APBB2: variants seen among roughly 807,000 people sequenced by gnomAD.
APBB2 encodes amyloid beta precursor protein binding family B member 2.
In APBB2, 38 loss-of-function variants were observed where a neutral mutation model predicts 82.5. The observed-to-expected ratio is 0.46, with a 90% CI of 0.36 to 0.60. APBB2 has a LOEUF of 0.60. APBB2 is among the 20% of genes least tolerant of loss of function. The pLI is 0.00. For missense variants in APBB2, 772 were observed against 972.3 expected, an observed-to-expected ratio of 0.79 and a Z score of 2.74; for synonymous variants, 341 against 368.2, an observed-to-expected ratio of 0.93 and a Z score of 0.85.
At position 40,933,286 on chromosome 4, in the gene APBB2, T is replaced by C. The variant is rs764784195; in HGVS notation, c.1254+1170A>G. Among the ~76,000 whole-genome samples, 4 of 152,274 alleles carry C rather than the reference T, an allele frequency of 2.6e-5. 1 individual carries two copies. Among genetic ancestry groups the C allele is most frequent in the African/African-American group, 7.2e-5 (3 of 41,560 alleles). On this transcript the variant is annotated intron_variant, in intron 10 of 17. Coordinates refer to ENST00000508593, the MANE Select transcript of APBB2 (RefSeq NM_004307.2). ...TATCTTGGTACCTGCACACAGACCA[T>C]TGGCTTCTGGGTACCCTCTCCCATC...
chr4:40,961,092 T>C lies in APBB2; in HGVS notation c.836-16019A>G, dbSNP rs181195779. Among the ~76,000 whole-genome samples the C allele has an allele frequency of 2.3e-3, 346 of 152,246 alleles. 1 individual carries two copies. Among genetic ancestry groups the C allele is most frequent in the Non-Finnish European group, 3.8e-3 (258 of 68,006 alleles). Reference sequence around the variant, plus strand: ...AGAAGAAATTTGGTTCCTGAGGTCTTTGTAGGGCAGAGCCATCATATTAGT... The same window carrying C: ...AGAAGAAATTTGGTTCCTGAGGTCTCTGTAGGGCAGAGCCATCATATTAGT... On this transcript the variant is annotated intron_variant, in intron 6 of 17. Transcript: ENST00000508593.
At chr4:40,920,132 G>A (rs897661936) in intron 10 of APBB2, among the ~76,000 whole-genome samples, 4 of 152,146 alleles carry the variant, frequency 2.6e-5, no homozygotes, top group Non-Finnish European at 5.9e-5. Flanking sequence ...TCATGGGAGG[G>A]ACATGGTGGG....
chr4:41,019,985 G>C (rs1370419448), intron 5 of APBB2, among the ~76,000 whole-genome samples: 13 of 152,082 alleles, frequency 8.5e-5, no homozygotes, highest in African/African-American at 2.7e-4. Flanking sequence ...GAGACAGAGA[G>C]AGGAAGAGAC....
intron 4 of APBB2, among the ~76,000 whole-genome samples, chr4:41,035,204 T>C (rs911061016): frequency 4.6e-5 from 7 of 152,240 alleles, no homozygotes; most frequent in African/African-American, 1.4e-4. Context: ...AAAACCTTTA[T>C]ATTTGCAAAA....
At chr4:40,817,422 A>G (rs1353350751) in intron 17 of APBB2, among the ~76,000 whole-genome samples, 1 of 152,004 alleles carries the variant, frequency 6.6e-6, no homozygotes, top group Non-Finnish European at 1.5e-5. Context: ...TAAATAATGA[A>G]AAAAAAATAC....
intron 1 of APBB2, among the ~76,000 whole-genome samples, chr4:41,172,502 C>G (rs1161751699): frequency 1.3e-5 from 2 of 152,198 alleles, no homozygotes; most frequent in Non-Finnish European, 2.9e-5. Flanking sequence ...AAACTACCAC[C>G]ATTTCAAATG....
chr4:40,969,439 G>C (rs1191843049), intron 6 of APBB2, among the ~76,000 whole-genome samples: 3 of 152,174 alleles, frequency 2.0e-5, no homozygotes, highest in Non-Finnish European at 4.4e-5. Flanking sequence ...GTTTGGAGCA[G>C]GGAAATCCAT....
chr4:40,813,134 CTACATA>C lies in APBB2; in HGVS notation c.*2952_*2957del, dbSNP rs1255879508. Reference sequence around the variant, plus strand: ...AACTTTAAGCATTTTGCCTTTTCTTCTACATATCCCAATAGAAATGTGACTACAAAT... The same window carrying C: ...AACTTTAAGCATTTTGCCTTTTCTTCTCCCAATAGAAATGTGACTACAAAT... On this transcript the variant is annotated 3_prime_UTR_variant, in exon 18 of 18. Coordinates refer to ENST00000508593, the MANE Select transcript of APBB2 (RefSeq NM_004307.2). 1.3e-5 allele frequency: 2 copies of C among 152,148 alleles called. No individual in the cohort carries two copies. Among genetic ancestry groups the C allele is most frequent in the East Asian group, 3.8e-4 (2 of 5,198 alleles). The allele number at this position is 152,148 out of a possible 1,614,324, so 9.4% of individuals were successfully genotyped here. A position where few individuals can be genotyped will look rare whatever the true frequency, so the allele number is the denominator to read the frequency against.
Position 40,815,958 on chromosome 4 carries a change from A to T in APBB2, c.*134T>A. 1 of 964,382 alleles carries T rather than the reference A, an allele frequency of 1.0e-6. No individual in the cohort carries two copies. Among genetic ancestry groups the T allele is most frequent in the Non-Finnish European group, 1.6e-6 (1 of 632,408 alleles). 59.7% of individuals were successfully genotyped at this position (964,382 alleles called of 1,614,324 possible). On this transcript the variant is annotated 3_prime_UTR_variant, in exon 18 of 18. Transcript: ENST00000508593. ...AGACGAGAGAACATGCTTGTCTAAC[A>T]CTGCTTGGTTAAGGGTAAATTCTCT...
intron 5 of APBB2, among the ~76,000 whole-genome samples, chr4:41,019,443 C>CA (rs1276290649): frequency 6.6e-6 from 1 of 151,922 alleles, no homozygotes; most frequent in Non-Finnish European, 1.5e-5. Flanking sequence ...TACAGTGACA[C>CA]AAAACCGAGC....
intron 4 of APBB2, among the ~76,000 whole-genome samples, chr4:41,054,904 C>G (rs150634637): frequency 1.3e-3 from 199 of 152,258 alleles, no homozygotes; most frequent in African/African-American, 4.6e-3. Context: ...CTGCCCCTCC[C>G]GATCAAACAG....
chr4:40,826,010 C>G lies in APBB2; in HGVS notation c.1733-40G>C, dbSNP rs1208309307. On this transcript the variant is annotated intron_variant, in intron 14 of 17. Transcript: ENST00000508593. This position sits in a 1 kb window ranked among gnomAD's most constrained non-coding sequence, Gnocchi z 4.5. ...AGCAACACATCTTTCTCAGTGGTTC[C>G]AACACACATGTACACAACAGCCGTG... 6.7e-7 allele frequency: 1 copy of G among 1,494,530 alleles called. No homozygotes were observed. The highest frequency in any genetic ancestry group is 2.3e-5 in the East Asian group (1 of 44,302). The allele number at this position is 1,494,530 out of a possible 1,614,324, so 92.6% of individuals were successfully genotyped here.
intron 6 of APBB2, among the ~76,000 whole-genome samples, chr4:40,952,894 T>C (rs1396452974): frequency 2.6e-5 from 4 of 152,218 alleles, no homozygotes; most frequent in Non-Finnish European, 5.9e-5. Context: ...TTGTGGTTTG[T>C]CATAGCTGCC....
intron 10 of APBB2, among the ~76,000 whole-genome samples, chr4:40,917,021 G>A (rs1042527553): frequency 1.3e-5 from 2 of 152,166 alleles, no homozygotes; most frequent in African/African-American, 4.8e-5. Context: ...TCCTCAAGTG[G>A]CCAGGGCTCT....
intron 3 of APBB2, among the ~76,000 whole-genome samples, chr4:41,087,616 G>A (rs1740230243): frequency 6.6e-6 from 1 of 151,270 alleles, no homozygotes; most frequent in South Asian, 2.1e-4. Flanking sequence ...TTTTAGTAGA[G>A]ATGGGGTTTC....
chr4:40,977,714 C>T (rs1322724728), intron 6 of APBB2, among the ~76,000 whole-genome samples: 1 of 152,138 alleles, frequency 6.6e-6, no homozygotes, highest in Non-Finnish European at 1.5e-5. Context: ...ACATGGTGTA[C>T]ATACAGACTG....
At chr4:40,913,746 C>A (rs1252319766) in intron 10 of APBB2, among the ~76,000 whole-genome samples, 1 of 152,098 alleles carries the variant, frequency 6.6e-6, no homozygotes, top group Non-Finnish European at 1.5e-5. Context: ...TTTAGTACCA[C>A]TTTTTTCACA....
At chr4:41,165,705 A>G (rs1580549453) in intron 1 of APBB2, among the ~76,000 whole-genome samples, 1 of 152,112 alleles carries the variant, frequency 6.6e-6, no homozygotes, top group South Asian at 2.1e-4. Context: ...GAAACTCTCT[A>G]CACCTGGGGA....
At chr4:40,831,268 C>T (rs1275866421) in intron 12 of APBB2, among the ~76,000 whole-genome samples, 4 of 151,796 alleles carry the variant, frequency 2.6e-5, no homozygotes, top group African/African-American at 4.8e-5. Context: ...GCGTGGTGGC[C>T]GGCGTCTGTA....
Sources: gnomAD v4.1 joint callset for allele counts (sites outside exome capture counted in the v4.1 genomes callset) on GRCh38, gnomAD v4.1.1 for gene constraint, Gnocchi (gnomAD v3.1) non-coding constraint, MANE v1.5 for transcripts, NCBI Gene and HGNC (gene_info 2026-07-23, HGNC 2026-07-21) for gene names.